PCSK5: variants seen among roughly 807,000 people sequenced by gnomAD.
PCSK5 encodes prohormone convertase 5.
A neutral mutation model predicts 233.2 loss-of-function variants in PCSK5; 129 were observed. The observed-to-expected ratio is 0.55, with a 90% CI of 0.48 to 0.64. PCSK5 has a LOEUF of 0.64. Ranked by LOEUF, PCSK5 falls within the 30% of genes least tolerant of loss-of-function variation. The pLI, the probability that PCSK5 is intolerant of heterozygous loss-of-function variation, is 0.00. For missense variants in PCSK5, 2,076 were observed against 2,430.1 expected, an observed-to-expected ratio of 0.85 and a Z score of 3.06; for synonymous variants, 825 against 879.2, an observed-to-expected ratio of 0.94 and a Z score of 1.09.
intron 7 of PCSK5, among the ~76,000 whole-genome samples, chr9:76,075,085 T>A (rs1328594054): frequency 1.3e-5 from 2 of 152,112 alleles, no homozygotes; most frequent in African/African-American, 4.8e-5. Context: ...CTGGGTGTGG[T>A]GGCGGGTGCC....
chr9:76,184,142 TA>T (rs1823995000), intron 16 of PCSK5, among the ~76,000 whole-genome samples: 1 of 152,170 alleles, frequency 6.6e-6, no homozygotes, highest in Admixed American at 6.6e-5. Flanking sequence ...AAATAGTGTT[TA>T]AAATAAACAA....
intron 2 of PCSK5, among the ~76,000 whole-genome samples, chr9:75,982,038 G>T (rs535478280): frequency 2.6e-5 from 4 of 152,160 alleles, no homozygotes; most frequent in Admixed American, 6.5e-5. Flanking sequence ...GGTTTTTTGT[G>T]TATAATCACT....
At chr9:76,139,543 C>G (rs1371332224) in intron 10 of PCSK5, among the ~76,000 whole-genome samples, 6 of 152,062 alleles carry the variant, frequency 3.9e-5, no homozygotes, top group Non-Finnish European at 8.8e-5. Context: ...CTTGATCCCA[C>G]TTGCAGAAAT....
intron 1 of PCSK5, among the ~76,000 whole-genome samples, chr9:75,908,917 A>ATCTC (rs1158039959): frequency 2.0e-4 from 23 of 116,680 alleles, no homozygotes; most frequent in African/African-American, 6.1e-4. Context: ...CTATCTATCT[A>ATCTC]TCTATCTCTC....
At chr9:76,351,529 AAAGG>A (rs1471954374) in intron 36 of PCSK5, among the ~76,000 whole-genome samples, 2,447 of 108,620 alleles carry the variant, frequency 0.023, 627 homozygotes, top group African/African-American at 0.029. Context: ...AGAAAGAAAG[AAAGG>A]AAGGAAAGAA....
At chr9:76,211,565 A>C (rs1206984572) in intron 20 of PCSK5, among the ~76,000 whole-genome samples, 6 of 152,206 alleles carry the variant, frequency 3.9e-5, no homozygotes, top group Non-Finnish European at 7.4e-5. Flanking sequence ...AAAGATCTTA[A>C]GTCTGGGCAT....
At chr9:76,193,357 C>T in intron 20 of PCSK5, 1 of 1,607,850 alleles carries the variant, frequency 6.2e-7, no homozygotes, top group East Asian at 2.2e-5. Flanking sequence ...GGCTGAGCAG[C>T]CATCTTAGAT....
At chr9:76,152,159 T>C (rs1483647367) in intron 10 of PCSK5, among the ~76,000 whole-genome samples, 1 of 151,990 alleles carries the variant, frequency 6.6e-6, no homozygotes, top group Non-Finnish European at 1.5e-5. Flanking sequence ...GGGAGAGTAC[T>C]CTCTCTCTCT....
At chr9:76,032,547 T>C (rs928777369) in intron 5 of PCSK5, among the ~76,000 whole-genome samples, 1 of 152,190 alleles carries the variant, frequency 6.6e-6, no homozygotes, top group Admixed American at 6.5e-5. Context: ...CTCGTCACTT[T>C]TGCAAGTTCC....
At chr9:76,007,109 GTAAT>G (rs1327836453) in intron 3 of PCSK5, among the ~76,000 whole-genome samples, 1 of 151,972 alleles carries the variant, frequency 6.6e-6, no homozygotes, top group Non-Finnish European at 1.5e-5. Flanking sequence ...CAGACACCTT[GTAAT>G]TAGTTTTTAT....
intron 9 of PCSK5, among the ~76,000 whole-genome samples, chr9:76,133,749 C>T (rs150864547): frequency 2.6e-5 from 4 of 152,086 alleles, no homozygotes; most frequent in East Asian, 1.9e-4. Flanking sequence ...TTTAGCTTAT[C>T]GTAATCTGAT....
chr9:76,130,630 C>T (rs1206701893), intron 9 of PCSK5, among the ~76,000 whole-genome samples: 2 of 152,158 alleles, frequency 1.3e-5, no homozygotes, highest in East Asian at 3.8e-4. Flanking sequence ...TTGGTTATTA[C>T]TATGAGTTCA....
rs141695734 is a variant in PCSK5 at position 76,147,055 on chromosome 9, G to A, written c.1313-9990G>A. 1.9e-3 allele frequency among the ~76,000 whole-genome samples: 286 copies of A among 152,258 alleles called. 1 individual carries two copies. Among genetic ancestry groups the A allele is most frequent in the African/African-American group, 6.3e-3 (263 of 41,552 alleles). On this transcript the variant is annotated intron_variant, in intron 10 of 37. Transcript: ENST00000674117. Reference sequence around the variant, plus strand: ...GTAGGGGCAGTAGGATTCAGAAATAGACAAGTCAGTGCATTTTCTGTTTTC... The same window carrying A: ...GTAGGGGCAGTAGGATTCAGAAATAAACAAGTCAGTGCATTTTCTGTTTTC...
intron 28 of PCSK5, among the ~76,000 whole-genome samples, chr9:76,303,327 C>T (rs1168946392): frequency 6.6e-6 from 1 of 152,164 alleles, no homozygotes; most frequent in Admixed American, 6.5e-5. Flanking sequence ...ACATAAGCCA[C>T]CGTGCTTGGC....
intron 5 of PCSK5, among the ~76,000 whole-genome samples, chr9:76,057,832 CTTTTTTT>C (rs36017305): frequency 1.5e-5 from 1 of 67,076 alleles, no homozygotes; most frequent in Non-Finnish European, 2.6e-5. Flanking sequence ...TATTCAGGGG[CTTTTTTT>C]TTTTTTTTTT....
intron 2 of PCSK5, among the ~76,000 whole-genome samples, chr9:75,933,741 T>A (rs1823918612): frequency 6.6e-6 from 1 of 152,204 alleles, no homozygotes; most frequent in Non-Finnish European, 1.5e-5. Context: ...GGATTACACA[T>A]TTTTTCCTTT....
intron 9 of PCSK5, among the ~76,000 whole-genome samples, chr9:76,125,943 A>G (rs749292982): frequency 1.7e-5 from 2 of 118,192 alleles, no homozygotes; most frequent in Non-Finnish European, 4.0e-5. Context: ...TTTCTCAGAA[A>G]TGCCCAGTAG....
At chr9:76,010,226 A>G (rs914816330) in intron 3 of PCSK5, among the ~76,000 whole-genome samples, 4 of 152,208 alleles carry the variant, frequency 2.6e-5, no homozygotes, top group African/African-American at 9.6e-5. Flanking sequence ...TTCCGTAATG[A>G]TGTAATTAAC....
chr9:76,020,591 C>A (rs1828141891), intron 3 of PCSK5, among the ~76,000 whole-genome samples: 1 of 152,122 alleles, frequency 6.6e-6, no homozygotes, highest in Non-Finnish European at 1.5e-5. Flanking sequence ...TCTTTTTCAC[C>A]TCCTACCATA....
Sources: allele counts gnomAD v4.1 joint callset (sites outside exome capture counted in the v4.1 genomes callset), GRCh38; gene constraint gnomAD v4.1.1; transcripts MANE v1.5; gene names NCBI Gene and HGNC (gene_info 2026-07-23, HGNC 2026-07-21).